Variants in EPHA4 observed in about 807,000 individuals in gnomAD.
The protein encoded by EPHA4 is ephrin type-A receptor 4.
Under a neutral mutation model 108.3 loss-of-function variants are expected in EPHA4, and 19 were observed. That is an observed-to-expected ratio of 0.18 (90% CI 0.12 to 0.26). The LOEUF (loss-of-function observed/expected upper bound fraction) is 0.26, where lower values mean the gene tolerates loss of function less well. EPHA4 is among the 10% of genes least tolerant of loss of function. EPHA4 has a pLI of 1.00. For synonymous variants in EPHA4, 449 were observed against 455.5 expected (o/e 0.99, Z 0.18); for missense variants, 917 against 1,254.0 (o/e 0.73, Z 4.06).
Position 221,424,741 on chromosome 2 carries a change from T to C in EPHA4, c.*819+468A>G, listed in dbSNP as rs372184521. 6.6e-5 allele frequency among the ~76,000 whole-genome samples: 10 copies of C among 152,268 alleles called. No individual in the cohort carries two copies. In the East Asian group the frequency reaches 1.2e-3, roughly 18 times the overall value. ...GAGTTTCCTGGAGCAGGACAGAAAA[T>C]GAGGCTAATGGAAAAGTCTCGCCAG... On this transcript the variant is annotated intron_variant, in intron 17 of 17. Transcript: ENST00000281821.
intron 3 of EPHA4, among the ~76,000 whole-genome samples, chr2:221,534,323 C>A (rs1319766627): frequency 2.0e-5 from 3 of 152,138 alleles, no homozygotes; most frequent in Admixed American, 6.5e-5. Context: ...CTGTTTCTGC[C>A]CTGGATTCTA....
At chr2:221,539,638 C>T (rs905502819) in intron 3 of EPHA4, among the ~76,000 whole-genome samples, 9 of 152,120 alleles carry the variant, frequency 5.9e-5, no homozygotes, top group African/African-American at 2.2e-4. Context: ...GTAAACTCCT[C>T]TCACCGACGT....
intron 5 of EPHA4, among the ~76,000 whole-genome samples, chr2:221,468,834 C>T (rs562247703): frequency 4.6e-5 from 7 of 152,286 alleles, no homozygotes; most frequent in Admixed American, 2.0e-4. Flanking sequence ...TTGATCATTC[C>T]GCTAAAAGAG....
chr2:221,501,494 C>T (rs1692489237), intron 3 of EPHA4: 1 of 220,762 alleles, frequency 4.5e-6, no homozygotes, highest in African/African-American at 2.3e-5. Flanking sequence ...CATTATGCTG[C>T]TTAATTCTTA....
chr2:221,435,704 T>TGGG (rs1227631994), intron 13 of EPHA4, among the ~76,000 whole-genome samples: 3 of 152,150 alleles, frequency 2.0e-5, no homozygotes, highest in African/African-American at 7.2e-5. Flanking sequence ...GCACAGCCAT[T>TGGG]AACTGTGTAC....
At chr2:221,498,115 A>G (rs1692357118) in intron 4 of EPHA4, among the ~76,000 whole-genome samples, 2 of 152,218 alleles carry the variant, frequency 1.3e-5, no homozygotes, top group African/African-American at 4.8e-5. Flanking sequence ...ACTCCCAAGT[A>G]GCAAGACTTG....
chr2:221,451,340 G>T (rs1046217496), intron 8 of EPHA4, among the ~76,000 whole-genome samples: 9 of 152,254 alleles, frequency 5.9e-5, no homozygotes, highest in East Asian at 3.9e-4. Flanking sequence ...AGGGAAGAGG[G>T]TGTCAGAGAA....
At chr2:221,543,202 A>C (rs76263896) in intron 3 of EPHA4, among the ~76,000 whole-genome samples, 2,575 of 152,366 alleles carry the variant, frequency 0.017, 87 homozygotes, top group East Asian at 0.082. Context: ...TATTGAAAGC[A>C]TCAAACTGAA....
chr2:221,533,967 A>AC (rs1303340247), intron 3 of EPHA4, among the ~76,000 whole-genome samples: 1 of 152,136 alleles, frequency 6.6e-6, no homozygotes, highest in Non-Finnish European at 1.5e-5. Context: ...CTTTTCCCAC[A>AC]TCTGCGTGAC....
At chr2:221,464,068 C>T (rs1225507828) in intron 5 of EPHA4, among the ~76,000 whole-genome samples, 1 of 152,124 alleles carries the variant, frequency 6.6e-6, no homozygotes, top group African/African-American at 2.4e-5. Flanking sequence ...TTATGAAAGT[C>T]AAGACACCTG....
intron 3 of EPHA4, among the ~76,000 whole-genome samples, chr2:221,561,332 G>C (rs1694457448): frequency 6.6e-6 from 1 of 152,062 alleles, no homozygotes; most frequent in African/African-American, 2.4e-5. Context: ...AACTACATCA[G>C]AAATTTTTAC....
At chr2:221,433,159 C>A (rs1339198532) in intron 14 of EPHA4, among the ~76,000 whole-genome samples, 1 of 152,152 alleles carries the variant, frequency 6.6e-6, no homozygotes, top group Admixed American at 6.5e-5. Context: ...AGGCAACCTG[C>A]ATCCCATTTC....
At chr2:221,507,614 T>C (rs1260152003) in intron 3 of EPHA4, among the ~76,000 whole-genome samples, 1 of 152,148 alleles carries the variant, frequency 6.6e-6, no homozygotes, top group Non-Finnish European at 1.5e-5. Context: ...CAATAGCAAT[T>C]GAAATGCTTT....
chr2:221,570,303 C>G (rs946359285), intron 1 of EPHA4, among the ~76,000 whole-genome samples: 14 of 124,524 alleles, frequency 1.1e-4, no homozygotes, highest in African/African-American at 4.5e-4. Context: ...GTCTTGGGCT[C>G]CCAAGTTTTT....
intron 4 of EPHA4, among the ~76,000 whole-genome samples, chr2:221,487,571 T>C (rs1047028053): frequency 2.6e-5 from 4 of 152,242 alleles, no homozygotes; most frequent in African/African-American, 9.6e-5. Context: ...CATATTAGTC[T>C]TTATGGAACA....
intron 3 of EPHA4, among the ~76,000 whole-genome samples, chr2:221,536,589 T>C (rs2106187274): frequency 6.6e-6 from 1 of 152,368 alleles, no homozygotes. Context: ...ATGAAGTCAT[T>C]CTTCAGAAAA....
intron 11 of EPHA4, among the ~76,000 whole-genome samples, chr2:221,441,224 C>T (rs1690417777): frequency 7.3e-6 from 1 of 136,694 alleles, no homozygotes; most frequent in Non-Finnish European, 1.5e-5. Flanking sequence ...TAAGTAGAGA[C>T]AGGTTTCTAT....
intron 8 of EPHA4, among the ~76,000 whole-genome samples, chr2:221,453,271 T>C (rs1376490312): frequency 6.6e-6 from 1 of 152,204 alleles, no homozygotes; most frequent in Non-Finnish European, 1.5e-5. Context: ...TTTTTAAACC[T>C]TTAAACATCT....
chr2:221,469,884 T>C (rs1691426256), intron 5 of EPHA4, among the ~76,000 whole-genome samples: 2 of 152,208 alleles, frequency 1.3e-5, no homozygotes, highest in Admixed American at 1.3e-4. Context: ...ATGGGATACC[T>C]AGTTTTTTAA....
Sources: gnomAD v4.1 joint callset for allele counts (sites outside exome capture counted in the v4.1 genomes callset) on GRCh38, gnomAD v4.1.1 for gene constraint, MANE v1.5 for transcripts, NCBI Gene and HGNC (gene_info 2026-07-23, HGNC 2026-07-21) for gene names.